The following UBE2L6 variants were observed in gnomAD, a reference collection of about 807,000 sequenced individuals.
UBE2L6 encodes ubiquitin/ISG15-conjugating enzyme E2 L6.
In UBE2L6, 11 loss-of-function variants were observed where a neutral mutation model predicts 13.6. The ratio of observed to expected loss-of-function variants is 0.81; its 90% CI spans 0.51 to 1.34. The LOEUF is 1.34. UBE2L6 is among the 40% of genes most tolerant of loss of function. The pLI is 0.00. For missense variants in UBE2L6, 197 were observed against 199.5 expected (o/e 0.99, Z 0.07); for synonymous variants, 74 against 83.2 (o/e 0.89, Z 0.60).
chr11:57,567,762 G>C, upstream of UBE2L6: 2 of 897,692 alleles, frequency 2.2e-6, no homozygotes, highest in Non-Finnish European at 3.1e-6. Context: ...CCCCGCACCC[G>C]CTCCGGCGAG....
In UBE2L6 at chr11:57,554,523, T is replaced by C. The variant is rs910185205; in HGVS notation, c.224A>G (p.Tyr75Cys). Residue 75 changes from tyrosine to cysteine, a missense_variant, in exon 3 of 4, where the codon TAC becomes TGC. Tyr to Cys is a radical substitution (Grantham distance 194). Coordinates refer to ENST00000287156, the MANE Select transcript of UBE2L6 (RefSeq NM_004223.5). Reference sequence around the variant, plus strand: ...TCCGTTCTCGTCCACGTTGGGGTGGTAGATCTTGGTTGTGAATTTGATCAT... The same window carrying C: ...TCCGTTCTCGTCCACGTTGGGGTGGCAGATCTTGGTTGTGAATTTGATCAT... ...PPMIKFTTKI[Y>C]HPNVDENGQI... The C allele has an allele frequency of 1.2e-6, 2 of 1,613,534 alleles. No homozygotes were observed. The highest frequency in any genetic ancestry group is 4.5e-5 in the East Asian group (2 of 44,840).
At chr11:57,553,597 G>C (rs1360455126) in intron 3 of UBE2L6, among the ~76,000 whole-genome samples, 1 of 152,334 alleles carries the variant, frequency 6.6e-6, no homozygotes, top group Admixed American at 6.5e-5. Flanking sequence ...GGGAGGCGGA[G>C]GCAGGCGGAT....
upstream of UBE2L6, chr11:57,567,696 G>A: frequency 6.7e-7 from 1 of 1,500,974 alleles, no homozygotes; most frequent in East Asian, 2.5e-5. Flanking sequence ...CCGCCCCGGG[G>A]ACCCCACCCC....
chr11:57,564,545 G>A (rs2135282569), intron 1 of UBE2L6, among the ~76,000 whole-genome samples: 1 of 152,382 alleles, frequency 6.6e-6, no homozygotes, highest in East Asian at 1.9e-4. Context: ...GCTCACGCCT[G>A]TAATCCCAGC....
chr11:57,560,214 A>G lies in UBE2L6; in HGVS notation c.123+123T>C, dbSNP rs560910421. The G allele has an allele frequency of 1.6e-4, 123 of 758,440 alleles. No homozygotes were observed. In the Admixed American group the frequency reaches 1.9e-3, roughly 11 times the overall value. The allele number at this position is 758,440 out of a possible 1,614,324, so 47.0% of individuals were successfully genotyped here. A position where few individuals can be genotyped will look rare whatever the true frequency, so the allele number is the denominator to read the frequency against. Reference sequence around the variant, plus strand: ...ATTCAGAGAGAAGCCCCCTCCAGCAATGATAACCTCCAGTAAAAGGATCTC... The same window carrying G: ...ATTCAGAGAGAAGCCCCCTCCAGCAGTGATAACCTCCAGTAAAAGGATCTC... On this transcript the variant is annotated intron_variant, in intron 2 of 3. Transcript: ENST00000287156.
intron 1 of UBE2L6, among the ~76,000 whole-genome samples, chr11:57,566,567 T>TC (rs58111048): frequency 0.14 from 20,887 of 152,200 alleles, 1,494 homozygotes; most frequent in Middle Eastern, 0.25. Context: ...AAATTCTGGC[T>TC]CCCATCTCTC....
intron 2 of UBE2L6, among the ~76,000 whole-genome samples, chr11:57,555,862 GC>G (rs1944993315): frequency 6.6e-6 from 1 of 152,174 alleles, no homozygotes; most frequent in African/African-American, 2.4e-5. Flanking sequence ...GAGCCACCAT[GC>G]CCAGCTGTAA....
chr11:57,565,604 G>A (rs1945084637), intron 1 of UBE2L6, among the ~76,000 whole-genome samples: 1 of 151,984 alleles, frequency 6.6e-6, no homozygotes, highest in South Asian at 2.1e-4. Context: ...GGCTCAAGCA[G>A]TCCGCGAACC....
intron 2 of UBE2L6, among the ~76,000 whole-genome samples, chr11:57,558,426 G>A (rs1404084444): frequency 2.0e-5 from 3 of 152,082 alleles, no homozygotes; most frequent in Non-Finnish European, 4.4e-5. Flanking sequence ...TCATGGAGTG[G>A]TTAAAAGAGA....
rs552798606 is a variant in UBE2L6, at chr11:57,561,588, C to T, written c.28-1156G>A. 3.2e-3 allele frequency among the ~76,000 whole-genome samples: 492 copies of T among 152,212 alleles called. 4 individuals are homozygous for T. Among genetic ancestry groups the T allele is most frequent in the Non-Finnish European group, 2.2e-3 (148 of 68,008 alleles). On this transcript the variant is annotated intron_variant, in intron 1 of 3. Coordinates refer to ENST00000287156, the MANE Select transcript of UBE2L6 (RefSeq NM_004223.5). ...ATAAAGCAGAGAAGGGGAGAAGCAC[C>T]AGGGCAGAGGGCCCAGATGGGAAAC...
chr11:57,558,837 C>A (rs193151773), intron 2 of UBE2L6, among the ~76,000 whole-genome samples: 2 of 152,326 alleles, frequency 1.3e-5, no homozygotes, highest in African/African-American at 4.8e-5. Flanking sequence ...CCTCACCAGG[C>A]ACCTTCAGGC....
intron 3 of UBE2L6, 40 bp downstream of exon 3, chr11:57,554,397 C>T: frequency 1.2e-6 from 2 of 1,605,306 alleles, no homozygotes; most frequent in South Asian, 2.2e-5. Context: ...GTAATCTCTA[C>T]CCAGTATCAG....
intron 1 of UBE2L6, among the ~76,000 whole-genome samples, chr11:57,566,575 C>G (rs916979174): frequency 2.0e-5 from 3 of 152,232 alleles, no homozygotes; most frequent in Non-Finnish European, 2.9e-5. Context: ...GCTCCCATCT[C>G]TCTTCCACTT....
At chr11:57,563,327 T>C (rs189059423) in intron 1 of UBE2L6, among the ~76,000 whole-genome samples, 1 of 150,906 alleles carries the variant, frequency 6.6e-6, no homozygotes, top group Admixed American at 6.6e-5. Context: ...CTGTTTCTAC[T>C]AAAAATACAA....
At chr11:57,561,195 G>A (rs1468531455) in intron 1 of UBE2L6, among the ~76,000 whole-genome samples, 4 of 152,006 alleles carry the variant, frequency 2.6e-5, no homozygotes, top group South Asian at 2.1e-4. Flanking sequence ...TGACCCCACC[G>A]CTTCAAACTC....
rs557641318 is a variant in UBE2L6, at chr11:57,563,494, A to G, written c.28-3062T>C. 1.8e-3 allele frequency among the ~76,000 whole-genome samples: 272 copies of G among 150,678 alleles called. 2 individuals are homozygous for G. The highest frequency in any genetic ancestry group is 3.2e-3 in the Non-Finnish European group (215 of 67,714). On this transcript the variant is annotated intron_variant, in intron 1 of 3. Coordinates refer to ENST00000287156, the MANE Select transcript of UBE2L6 (RefSeq NM_004223.5). ...GGAACTCTGTCTCAAAAAAAAAAAA[A>G]AAAGAAAGAAAGAAAAAAATGCAAT... is the stretch of plus-strand genomic sequence containing the variant.
In UBE2L6 at chr11:57,551,911, A is replaced by C. The variant is rs2135271099; in HGVS notation, c.*447T>G. ...TATATTCCCATCAGTGGCTTGGCTG[A>C]CTCAGTTGTAAATAGGGTACCCTCC... On this transcript the variant is annotated 3_prime_UTR_variant, in exon 4 of 4. Coordinates refer to ENST00000287156, the MANE Select transcript of UBE2L6 (RefSeq NM_004223.5). The C allele has an allele frequency of 6.4e-6, 1 of 157,270 alleles. No individual in the cohort carries two copies. Among genetic ancestry groups the C allele is most frequent in the East Asian group, 1.9e-4 (1 of 5,360 alleles). The allele number at this position is 157,270 out of a possible 1,614,324, so 9.7% of individuals were successfully genotyped here. A position where few individuals can be genotyped will look rare whatever the true frequency, so the allele number is the denominator to read the frequency against.
chr11:57,563,855 T>C (rs1945066112), intron 1 of UBE2L6, among the ~76,000 whole-genome samples: 1 of 151,868 alleles, frequency 6.6e-6, no homozygotes, highest in Admixed American at 6.6e-5. Context: ...TGAGCCAAGA[T>C]TGTGCCACTG....
At chr11:57,565,657 G>A (rs1392557227) in intron 1 of UBE2L6, among the ~76,000 whole-genome samples, 1 of 152,118 alleles carries the variant, frequency 6.6e-6, no homozygotes, top group African/African-American at 2.4e-5. Context: ...GGGACACCAC[G>A]CCTGGCCTTC....
Sources: gnomAD v4.1 joint callset for allele counts (sites outside exome capture counted in the v4.1 genomes callset) on GRCh38, gnomAD v4.1.1 for gene constraint, MANE v1.5 for transcripts, NCBI Gene and HGNC (gene_info 2026-07-23, HGNC 2026-07-21) for gene names.